The following ZNF521 variants were observed in gnomAD, a reference collection of about 807,000 sequenced individuals.
ZNF521 encodes the protein LYST-interacting protein 3.
A neutral mutation model predicts 105.5 loss-of-function variants in ZNF521; 14 were observed. The ratio of observed to expected loss-of-function variants is 0.13; its 90% CI spans 0.09 to 0.21. The LOEUF is 0.21. Among genes scored for constraint, ZNF521 ranks in the 10% least tolerant of loss-of-function variants. The pLI, the probability that ZNF521 is intolerant of heterozygous loss-of-function variation, is 1.00. For synonymous variants in ZNF521, 635 were observed against 606.0 expected (o/e 1.05, Z -0.70); for missense variants, 1,233 against 1,629.7 (o/e 0.76, Z 4.19).
intron 3 of ZNF521, among the ~76,000 whole-genome samples, chr18:25,298,154 C>T (rs1911430647): frequency 6.6e-6 from 1 of 152,122 alleles, no homozygotes; most frequent in Non-Finnish European, 1.5e-5. Context: ...ACAGACTAGT[C>T]TTCAGTTTCA....
At chr18:25,102,303 A>G (rs1322649247) in intron 5 of ZNF521, among the ~76,000 whole-genome samples, 1 of 152,052 alleles carries the variant, frequency 6.6e-6, no homozygotes, top group Non-Finnish European at 1.5e-5. Flanking sequence ...AATACCTCAC[A>G]AAACTGTATT....
intron 5 of ZNF521, among the ~76,000 whole-genome samples, chr18:25,102,252 A>T (rs963146114): frequency 6.6e-6 from 1 of 152,166 alleles, no homozygotes; most frequent in African/African-American, 2.4e-5. Context: ...CATTTTTTTT[A>T]AATTAAAAGA....
chr18:25,332,215 C>A (rs769910782), intron 2 of ZNF521, among the ~76,000 whole-genome samples: 1 of 151,188 alleles, frequency 6.6e-6, no homozygotes, highest in African/African-American at 2.4e-5. Context: ...AAGAAATGAT[C>A]CCACTTAGGA....
chr18:25,329,486 C>T (rs968734323), intron 2 of ZNF521, among the ~76,000 whole-genome samples: 1 of 152,140 alleles, frequency 6.6e-6, no homozygotes, highest in Admixed American at 6.5e-5. Flanking sequence ...GGCCACATAA[C>T]ACTGGGAACA....
intron 4 of ZNF521, among the ~76,000 whole-genome samples, chr18:25,209,877 A>T (rs1030567043): frequency 6.6e-6 from 1 of 152,090 alleles, no homozygotes; most frequent in Non-Finnish European, 1.5e-5. Context: ...TGTGGTCTTT[A>T]CATTCTTTTT....
intron 4 of ZNF521, among the ~76,000 whole-genome samples, chr18:25,223,652 C>A (rs1429681924): frequency 2.6e-5 from 4 of 151,134 alleles, no homozygotes; most frequent in Non-Finnish European, 5.9e-5. Context: ...TTGTACTCGT[C>A]ACGGCAAAGA....
chr18:25,325,643 T>C (rs1913174892), intron 2 of ZNF521, among the ~76,000 whole-genome samples: 1 of 152,190 alleles, frequency 6.6e-6, no homozygotes, highest in African/African-American at 2.4e-5. Context: ...TAAATGATGC[T>C]GCGCAAACAT....
intron 7 of ZNF521, among the ~76,000 whole-genome samples, chr18:25,064,288 C>G (rs951569897): frequency 8.3e-6 from 1 of 120,328 alleles, no homozygotes; most frequent in African/African-American, 3.4e-5. Flanking sequence ...CACGGATACA[C>G]CTAAACCTGC....
In ZNF521 at chr18:25,224,533, C is replaced by T. The variant is rs749486449; in HGVS notation, c.3385G>A (p.Gly1129Arg). 39 of 1,613,896 alleles carry T rather than the reference C, an allele frequency of 2.4e-5. No individual in the cohort carries two copies. Among genetic ancestry groups the T allele is most frequent in the African/African-American group, 2.4e-4 (18 of 74,878 alleles). The change falls in exon 4 of 8, where the codon GGG (glycine) becomes AGG (arginine). Residue 1129 changes from glycine to arginine, a missense_variant. By Grantham distance (125) the Gly-to-Arg change is moderately radical. Coordinates refer to ENST00000361524, the MANE Select transcript of ZNF521 (RefSeq NM_015461.3). ...TTCAGTCCCCCCACCTTGCCTTTCC[C>T]CTCAATGGCACTCAGATTCTCATTC... Reference protein sequence around the residue: ...GQNENLSAIEGKGKVGGLKTR... With the variant: ...GQNENLSAIERKGKVGGLKTR...
chr18:25,104,719 G>A (rs561641421), intron 5 of ZNF521, among the ~76,000 whole-genome samples: 7 of 152,250 alleles, frequency 4.6e-5, no homozygotes, highest in African/African-American at 1.4e-4. Flanking sequence ...AACAGGAGAC[G>A]TAGGGTCTGA....
At chr18:25,079,714 A>G (rs1347879182) in intron 7 of ZNF521, among the ~76,000 whole-genome samples, 1 of 152,152 alleles carries the variant, frequency 6.6e-6, no homozygotes, top group East Asian at 1.9e-4. Flanking sequence ...GTGGAGATGC[A>G]TTAACTCCAC....
intron 5 of ZNF521, among the ~76,000 whole-genome samples, chr18:25,112,912 C>CA (rs1339332084): frequency 2.0e-5 from 3 of 152,062 alleles, no homozygotes; most frequent in African/African-American, 7.3e-5. Flanking sequence ...ATGTGCTGCC[C>CA]TTGCCTGGTC....
intron 2 of ZNF521, among the ~76,000 whole-genome samples, chr18:25,333,471 A>AT (rs1380850496): frequency 1.3e-5 from 2 of 152,074 alleles, no homozygotes; most frequent in Admixed American, 1.3e-4. Context: ...TGCTGTTTGT[A>AT]TTTTTTTAAA....
chr18:25,072,035 T>A (rs1385353395), intron 7 of ZNF521, among the ~76,000 whole-genome samples: 1 of 152,144 alleles, frequency 6.6e-6, no homozygotes, highest in Non-Finnish European at 1.5e-5. Flanking sequence ...AGGCATCTGG[T>A]GGAGCTGCAG....
In ZNF521 at chr18:25,291,801, C is replaced by T. The variant is rs186825618; in HGVS notation, c.220+30207G>A. On this transcript the variant is annotated intron_variant, in intron 3 of 7. Transcript: ENST00000361524. ...TTCCTATTTTTCAATTGAGGAAACTCGAGAAAATAGAATTTCTGAGTTTCC... is the reference window on the plus strand; with the variant it reads ...TTCCTATTTTTCAATTGAGGAAACTTGAGAAAATAGAATTTCTGAGTTTCC... 2.4e-3 allele frequency among the ~76,000 whole-genome samples: 360 copies of T among 152,116 alleles called. 2 individuals carry two copies. The highest frequency in any genetic ancestry group is 1.8e-3 in the Non-Finnish European group (125 of 67,996).
intron 3 of ZNF521, among the ~76,000 whole-genome samples, chr18:25,257,317 T>C (rs1908589257): frequency 6.6e-6 from 1 of 152,186 alleles, no homozygotes; most frequent in African/African-American, 2.4e-5. Context: ...GGCTATTAAG[T>C]TTAATATAAA....
chr18:25,191,209 C>A (rs537803588), intron 5 of ZNF521, among the ~76,000 whole-genome samples: 3 of 152,044 alleles, frequency 2.0e-5, no homozygotes, highest in African/African-American at 4.8e-5. Context: ...ATTAAGTAAC[C>A]ATTTCTAAGT....
chr18:25,100,794 GA>G (rs1243110783), intron 5 of ZNF521, among the ~76,000 whole-genome samples: 1 of 152,174 alleles, frequency 6.6e-6, no homozygotes, highest in African/African-American at 2.4e-5. Context: ...ACCCCTTAGA[GA>G]AATTTGCCTG....
chr18:25,292,011 G>T (rs146070156), intron 3 of ZNF521, among the ~76,000 whole-genome samples: 5 of 151,950 alleles, frequency 3.3e-5, no homozygotes, highest in African/African-American at 1.2e-4. Flanking sequence ...GCTCATAATA[G>T]GCGCTCAATG....
Sources: allele counts gnomAD v4.1 joint callset (sites outside exome capture counted in the v4.1 genomes callset), GRCh38; gene constraint gnomAD v4.1.1; transcripts MANE v1.5; gene names NCBI Gene and HGNC (gene_info 2026-07-23, HGNC 2026-07-21).